Variants in MORN5 observed in about 807,000 individuals in gnomAD.
MORN5 encodes MORN repeat-containing protein 5.
In MORN5, 21 loss-of-function variants were observed where a neutral mutation model predicts 22.1. The ratio of observed to expected loss-of-function variants is 0.95; its 90% CI spans 0.67 to 1.37. MORN5 has a LOEUF of 1.37. Among genes scored for constraint, MORN5 ranks in the 40% most tolerant of loss-of-function variants. The pLI is 0.00. For synonymous variants in MORN5, 73 were observed against 74.0 expected (o/e 0.99, Z 0.07); for missense variants, 211 against 215.1 (o/e 0.98, Z 0.12).
At chr9:122,193,598 A>G (rs1005552076) in intron 4 of MORN5, among the ~76,000 whole-genome samples, 1 of 152,248 alleles carries the variant, frequency 6.6e-6, no homozygotes, top group Non-Finnish European at 1.5e-5. Context: ...AAGAAAAAAA[A>G]GTAATTTGTC....
At chr9:122,185,124 C>T (rs1829597169) in intron 4 of MORN5, among the ~76,000 whole-genome samples, 2 of 152,288 alleles carry the variant, frequency 1.3e-5, no homozygotes, top group South Asian at 2.1e-4. Context: ...GGCACAATCT[C>T]GGCTCACTGC....
intron 4 of MORN5, among the ~76,000 whole-genome samples, chr9:122,196,429 G>A (rs1829893508): frequency 6.6e-6 from 1 of 151,256 alleles, no homozygotes; most frequent in East Asian, 1.9e-4. Context: ...TGCCTCCTGG[G>A]TTCAAGTGAT....
chr9:122,195,020 C>CA (rs34845051), intron 4 of MORN5, among the ~76,000 whole-genome samples: 1,658 of 111,908 alleles, frequency 0.015, 13 homozygotes, highest in Middle Eastern at 0.035. Flanking sequence ...AACTCCATCT[C>CA]AAAAAAAAAA....
intron 4 of MORN5, among the ~76,000 whole-genome samples, chr9:122,186,070 G>A (rs1424614406): frequency 3.9e-5 from 6 of 152,286 alleles, no homozygotes; most frequent in African/African-American, 1.2e-4. Context: ...GGGATAATAC[G>A]CTGTAACTGC....
intron 3 of MORN5, among the ~76,000 whole-genome samples, chr9:122,172,696 G>A (rs571163692): frequency 3.3e-5 from 5 of 152,304 alleles, no homozygotes; most frequent in African/African-American, 1.2e-4. Context: ...TTCCCAAGCT[G>A]TGAGCAACAT....
chr9:122,179,274 A>G (rs994579340), intron 4 of MORN5, among the ~76,000 whole-genome samples: 7 of 152,218 alleles, frequency 4.6e-5, no homozygotes, highest in South Asian at 2.1e-4. Context: ...GACAAAGGTT[A>G]TGGTTGTCTT....
At chr9:122,191,390 T>C (rs948196244) in intron 4 of MORN5, among the ~76,000 whole-genome samples, 5 of 152,208 alleles carry the variant, frequency 3.3e-5, no homozygotes, top group African/African-American at 1.2e-4. Context: ...CACTGAGCCC[T>C]TCCCTCTGCC....
chr9:122,180,165 G>C (rs1829514891), intron 4 of MORN5, among the ~76,000 whole-genome samples: 1 of 151,956 alleles, frequency 6.6e-6, no homozygotes, highest in Admixed American at 6.6e-5. Flanking sequence ...TCTAACTATA[G>C]CTCTCAAACC....
chr9:122,194,891 G>A (rs573710646), intron 4 of MORN5, among the ~76,000 whole-genome samples: 46 of 152,114 alleles, frequency 3.0e-4, no homozygotes, highest in African/African-American at 9.9e-4. Flanking sequence ...GTGGTGGCAC[G>A]GGCCTGTGAT....
intron 1 of MORN5, among the ~76,000 whole-genome samples, chr9:122,165,395 CAAAA>C (rs59306308): frequency 2.2e-3 from 186 of 82,944 alleles, no homozygotes; most frequent in African/African-American, 0.01. Flanking sequence ...CCCGTCTCTA[CAAAA>C]AAAAAAAAAA....
intron 4 of MORN5, among the ~76,000 whole-genome samples, chr9:122,181,355 G>A (rs552474085): frequency 1.3e-5 from 2 of 152,274 alleles, no homozygotes; most frequent in East Asian, 1.9e-4. Flanking sequence ...AGTGAGCTGG[G>A]AATGGGCTCA....
At chr9:122,175,763 G>A (rs1026169491) in intron 4 of MORN5, 4 of 938,004 alleles carry the variant, frequency 4.3e-6, no homozygotes, top group Admixed American at 1.2e-4. Context: ...TCTCCCTATA[G>A]GGAAATTTAC....
chr9:122,168,128 G>A (rs565695129), intron 2 of MORN5, among the ~76,000 whole-genome samples: 4 of 152,322 alleles, frequency 2.6e-5, no homozygotes, highest in Middle Eastern at 3.4e-3. Context: ...ACAGGTTGCA[G>A]CAGACAGGGA....
intron 4 of MORN5, among the ~76,000 whole-genome samples, chr9:122,193,920 G>A (rs759941176): frequency 1.2e-4 from 18 of 152,362 alleles, no homozygotes; most frequent in East Asian, 3.9e-4. Flanking sequence ...GGAACCTGGC[G>A]ACCTTGAAGG....
chr9:122,197,007 T>C lies in MORN5; in HGVS notation c.440-2878T>C, dbSNP rs143043536. Among the ~76,000 whole-genome samples the C allele has an allele frequency of 2.2e-3, 329 of 152,330 alleles. No individual in the cohort carries two copies. The highest frequency in any genetic ancestry group is 7.7e-3 in the African/African-American group (321 of 41,578). Reference sequence around the variant, plus strand: ...CATAATTATTTGTTAAATGAATGCATATACAACAAAATAATCATTCCCTCA... The same window carrying C: ...CATAATTATTTGTTAAATGAATGCACATACAACAAAATAATCATTCCCTCA... On this transcript the variant is annotated intron_variant, in intron 4 of 4. Transcript: ENST00000373764. The surrounding 1 kb of genome is among the most constrained non-coding windows in gnomAD (Gnocchi z 5.7).
At chr9:122,179,658 AAGG>A (rs1829505962) in intron 4 of MORN5, among the ~76,000 whole-genome samples, 1 of 152,184 alleles carries the variant, frequency 6.6e-6, no homozygotes, top group South Asian at 2.1e-4. Flanking sequence ...AAAGGTAGCC[AAGG>A]AGTATTTTGG....
At chr9:122,167,050 C>T in intron 2 of MORN5, 135 bp downstream of exon 2, 1 of 774,290 alleles carries the variant, frequency 1.3e-6, no homozygotes, top group South Asian at 2.5e-5. Flanking sequence ...TCCCCCACTC[C>T]CCCCACTTTT....
At chr9:122,165,194 A>G (rs949351410) in intron 1 of MORN5, among the ~76,000 whole-genome samples, 1 of 152,100 alleles carries the variant, frequency 6.6e-6, no homozygotes, top group African/African-American at 2.4e-5. Context: ...CACTCACTAT[A>G]TATATGTCAG....
At chr9:122,168,880 C>A (rs1829325867) in intron 2 of MORN5, among the ~76,000 whole-genome samples, 1 of 152,072 alleles carries the variant, frequency 6.6e-6, no homozygotes, top group Admixed American at 6.5e-5. Flanking sequence ...GGCTAAGAAG[C>A]CTCCCAATCT....
Sources: allele counts gnomAD v4.1 joint callset (sites outside exome capture counted in the v4.1 genomes callset), GRCh38; gene constraint gnomAD v4.1.1; non-coding constraint Gnocchi (gnomAD v3.1); transcripts MANE v1.5; gene names NCBI Gene and HGNC (gene_info 2026-07-23, HGNC 2026-07-21).